THOC1: variants seen among roughly 807,000 people sequenced by gnomAD.
THOC1 encodes the protein THO complex 1.
THOC1 carries 29 observed loss-of-function variants against 97.3 expected under a neutral mutation model. That is an observed-to-expected ratio of 0.30 (90% confidence interval 0.22 to 0.41). The LOEUF is 0.41. Among genes scored for constraint, THOC1 ranks in the 10% least tolerant of loss-of-function variants. THOC1 has a pLI of 1.00. For missense variants in THOC1, 529 were observed against 761.9 expected (o/e 0.69, Z 3.60); for synonymous variants, 255 against 257.0 (o/e 0.99, Z 0.07).
At position 268,003 on chromosome 18, in the gene THOC1, G is replaced by T. The variant is rs534593142; in HGVS notation, c.17C>A (p.Pro6Gln). MSPTP[P>Q]LFSLPEARTR... ...CCGCGCTTCGGGCAAACTGAAGAGC[G>T]GCGGCGTCGGAGACATCTTCTCGGC... Residue 6 changes from proline (P) to glutamine (Q), a missense_variant, in exon 1 of 21, where the codon CCG becomes CAG. Physicochemically the swap from Pro to Gln is moderately conservative, Grantham distance 76 (BLOSUM62 -1). This residue lies in a region of THOC1 where 114 missense variants were observed against 97.4 expected (regional missense o/e 1.17). Transcript: ENST00000261600. The T allele has an allele frequency of 1.2e-6, 2 of 1,608,728 alleles. No individual in the cohort carries two copies. Among genetic ancestry groups the T allele is most frequent in the African/African-American group, 1.3e-5 (1 of 74,986 alleles).
chr18:235,109 A>G (rs992423145), intron 11 of THOC1, among the ~76,000 whole-genome samples: 1 of 127,390 alleles, frequency 7.8e-6, no homozygotes, highest in African/African-American at 3.0e-5. Context: ...TTGAGAGTCT[A>G]TTTCGGTCAT....
intron 20 of THOC1, 82 bp downstream of exon 20, chr18:215,347 T>C (rs1910839846): frequency 3.8e-6 from 4 of 1,052,666 alleles, no homozygotes; most frequent in East Asian, 4.8e-5. Context: ...GAGAAGTCGA[T>C]CAAATTAAAT....
intron 17 of THOC1, among the ~76,000 whole-genome samples, chr18:219,672 T>C (rs1483305857): frequency 6.6e-6 from 1 of 152,108 alleles, no homozygotes; most frequent in African/African-American, 2.4e-5. Flanking sequence ...ATTTACTACA[T>C]ATAATATTAT....
At chr18:218,181 A>G (rs777592668) in intron 18 of THOC1, among the ~76,000 whole-genome samples, 15 of 152,172 alleles carry the variant, frequency 9.9e-5, no homozygotes, top group Non-Finnish European at 1.9e-4. Flanking sequence ...CCTCAGAATA[A>G]CCCTGTGAAA....
At chr18:223,193 T>C (rs1224079508) in intron 17 of THOC1, among the ~76,000 whole-genome samples, 1 of 152,210 alleles carries the variant, frequency 6.6e-6, no homozygotes, top group East Asian at 1.9e-4. Context: ...CCGTATCAGT[T>C]CATAGGCTTA....
chr18:225,294 T>G (rs1911241872), intron 13 of THOC1, 43 bp downstream of exon 13: 1 of 1,605,784 alleles, frequency 6.2e-7, no homozygotes, highest in Non-Finnish European at 8.5e-7. Context: ...AAATCCTAAA[T>G]TTCCATTTTT....
chr18:223,397 A>G (rs1280587542), intron 17 of THOC1, 43 bp downstream of exon 17: 1 of 1,478,028 alleles, frequency 6.8e-7, no homozygotes, highest in Non-Finnish European at 9.2e-7. Context: ...TCTACTCAAC[A>G]CTTGACAAAA....
chr18:257,400 T>TA (rs1912469121), intron 7 of THOC1, among the ~76,000 whole-genome samples: 3 of 152,218 alleles, frequency 2.0e-5, no homozygotes, highest in African/African-American at 7.2e-5. Flanking sequence ...TTCTTACTGT[T>TA]AGAGAAAGAG....
chr18:220,781 T>A (rs1911050558), intron 17 of THOC1, among the ~76,000 whole-genome samples: 1 of 152,210 alleles, frequency 6.6e-6, no homozygotes, highest in Admixed American at 6.5e-5. Flanking sequence ...ATTTTATCTA[T>A]TTTTCCTGGT....
At chr18:244,281 T>C (rs1357724083) in intron 11 of THOC1, 3 of 152,180 alleles carry the variant, frequency 2.0e-5, no homozygotes, top group African/African-American at 4.8e-5. Context: ...TACTGTCATA[T>C]TTTTCAATTT....
chr18:237,030 A>G (rs1282750453), intron 11 of THOC1, among the ~76,000 whole-genome samples: 1 of 152,034 alleles, frequency 6.6e-6, no homozygotes, highest in Non-Finnish European at 1.5e-5. Context: ...CAGGAGTTGC[A>G]TATTTCTCAA....
intron 11 of THOC1, among the ~76,000 whole-genome samples, chr18:236,436 A>G (rs1420976535): frequency 2.0e-5 from 3 of 147,162 alleles, no homozygotes; most frequent in Admixed American, 1.4e-4. Context: ...GCTCACTGCA[A>G]GCTCCGCCTC....
chr18:260,692 G>C (rs1912577913), intron 4 of THOC1: 1 of 152,900 alleles, frequency 6.5e-6, no homozygotes, highest in Non-Finnish European at 1.5e-5. Flanking sequence ...CATAGAGCCA[G>C]TAAGTGGTAG....
In THOC1 at chr18:242,107, A is replaced by G. The variant is rs999042616; in HGVS notation, c.918+4217T>C. Among the ~76,000 whole-genome samples the G allele has an allele frequency of 6.6e-5, 10 of 152,348 alleles. No homozygotes were observed. The highest frequency in any genetic ancestry group is 1.9e-4 in the African/African-American group (8 of 41,582). On this transcript the variant is annotated intron_variant, in intron 11 of 20. Transcript: ENST00000261600. This position sits in a 1 kb window ranked among gnomAD's most constrained non-coding sequence, Gnocchi z 4.5. ...TAAGAAGGAAGACACAATAATTTAC[A>G]AAGACACCCATTTTATTTGTAGAAC...
intron 18 of THOC1, among the ~76,000 whole-genome samples, chr18:217,283 G>A (rs1295052298): frequency 2.0e-5 from 3 of 152,104 alleles, no homozygotes; most frequent in African/African-American, 7.2e-5. Flanking sequence ...TAGACACTGG[G>A]GACTCTTCCC....
At chr18:263,730 T>A (rs1394800418) in intron 4 of THOC1, 1 of 261,718 alleles carries the variant, frequency 3.8e-6, no homozygotes, top group Non-Finnish European at 7.3e-6. Context: ...TTATTCACCA[T>A]TGAATCTCCA....
intron 11 of THOC1, among the ~76,000 whole-genome samples, chr18:232,776 C>G (rs1911529362): frequency 6.8e-6 from 1 of 146,038 alleles, no homozygotes; most frequent in Non-Finnish European, 1.5e-5. Flanking sequence ...TCAATTTTGG[C>G]CAGTTTGCTA....
At chr18:266,892 C>G (rs557414727) in intron 1 of THOC1, among the ~76,000 whole-genome samples, 1 of 152,000 alleles carries the variant, frequency 6.6e-6, no homozygotes, top group South Asian at 2.1e-4. Flanking sequence ...TTCAAAGCAC[C>G]AGAGATTGCA....
At chr18:225,452 G>A in intron 12 of THOC1, 49 bp from the exon 13 acceptor site, 1 of 1,511,512 alleles carries the variant, frequency 6.6e-7, no homozygotes, top group Non-Finnish European at 9.1e-7. Flanking sequence ...CAATGCATAT[G>A]CAACTTTAAG....
Sources: gnomAD v4.1 joint callset for allele counts (sites outside exome capture counted in the v4.1 genomes callset) on GRCh38, gnomAD v4.1.1 for gene constraint, gnomAD v4.1.1 regional missense constraint, Gnocchi (gnomAD v3.1) non-coding constraint, MANE v1.5 for transcripts, NCBI Gene and HGNC (gene_info 2026-07-23, HGNC 2026-07-21) for gene names.